PPP2R1B: variants seen among roughly 807,000 people sequenced by gnomAD.
PPP2R1B encodes serine/threonine-protein phosphatase 2A 65 kDa regulatory subunit A beta isoform.
A neutral mutation model predicts 72.7 loss-of-function variants in PPP2R1B; 58 were observed. The ratio of observed to expected loss-of-function variants is 0.80; its 90% CI spans 0.65 to 0.99. PPP2R1B has a LOEUF of 0.99. Among genes scored for constraint, PPP2R1B ranks in the 50% least tolerant of loss-of-function variants. PPP2R1B has a pLI of 0.00. For missense variants in PPP2R1B, 695 were observed against 733.6 expected (o/e 0.95, Z 0.61); for synonymous variants, 256 against 264.6 (o/e 0.97, Z 0.32).
chr11:111,721,219 G>A, the PPP2R1B span, among the ~76,000 whole-genome samples: 1 of 152,170 alleles, frequency 6.6e-6, no homozygotes, highest in Non-Finnish European at 1.5e-5. Context: ...GCTGCCACCT[G>A]CCACTGACGG....
intron 10 of PPP2R1B, among the ~76,000 whole-genome samples, chr11:111,748,663 G>A (rs1019015722): frequency 3.9e-5 from 6 of 152,130 alleles, no homozygotes; most frequent in African/African-American, 1.4e-4. Context: ...CTCTAACCCC[G>A]GGGCTTCCAC....
intron 10 of PPP2R1B, among the ~76,000 whole-genome samples, chr11:111,748,602 G>A (rs527724171): frequency 4.6e-5 from 7 of 152,318 alleles, no homozygotes; most frequent in Non-Finnish European, 1.0e-4. Context: ...TCAACAGGTG[G>A]CCACTTCAGT....
chr11:111,732,882 G>A (rs1944236513), downstream of PPP2R1B, among the ~76,000 whole-genome samples: 1 of 152,206 alleles, frequency 6.6e-6, no homozygotes. Context: ...AATGTCACCT[G>A]CACAGAACAT....
the PPP2R1B span, among the ~76,000 whole-genome samples, chr11:111,708,829 C>T: frequency 6.6e-6 from 1 of 152,102 alleles, no homozygotes; most frequent in Admixed American, 6.5e-5. Context: ...CTCAAGTAAT[C>T]CTCCTACCGT....
rs1467837785 is a variant in PPP2R1B, at chr11:111,740,596, T to C, written c.*1000A>G. On this transcript the variant is annotated 3_prime_UTR_variant, in exon 15 of 15. Transcript: ENST00000527614. ...AATTTCAGAATTAATGAGGTTTTACTGTAAAAGTAGAAAAGCAAACACTTC... is the reference window on the plus strand; with the variant it reads ...AATTTCAGAATTAATGAGGTTTTACCGTAAAAGTAGAAAAGCAAACACTTC... The C allele has an allele frequency of 5.1e-6, 5 of 985,102 alleles. No homozygotes were observed. Among genetic ancestry groups the C allele is most frequent in the Non-Finnish European group, 6.0e-6 (5 of 829,726 alleles). The allele number at this position is 985,102 out of a possible 1,614,324, so 61.0% of individuals were successfully genotyped here. A position where few individuals can be genotyped will look rare whatever the true frequency, so the allele number is the denominator to read the frequency against.
At chr11:111,763,465 G>GT (rs1257588660) in intron 3 of PPP2R1B, among the ~76,000 whole-genome samples, 9 of 152,340 alleles carry the variant, frequency 5.9e-5, no homozygotes, top group African/African-American at 1.9e-4. Context: ...GATGTGAACT[G>GT]TAAGAGTCGG....
downstream of PPP2R1B, chr11:111,724,031 T>C: frequency 6.2e-7 from 1 of 1,614,194 alleles, no homozygotes; most frequent in Non-Finnish European, 8.5e-7. Flanking sequence ...CCCCTCCAGC[T>C]ACGACCCACT....
the PPP2R1B span, among the ~76,000 whole-genome samples, chr11:111,688,706 T>A: frequency 1.3e-5 from 2 of 152,232 alleles, no homozygotes. This position sits in a 1 kb window ranked among gnomAD's most constrained non-coding sequence, Gnocchi z 4.2. Context: ...TTTTCACAGT[T>A]GTAAAATGTT....
At chr11:111,698,469 T>C in the PPP2R1B span, among the ~76,000 whole-genome samples, 2 of 152,066 alleles carry the variant, frequency 1.3e-5, no homozygotes, top group African/African-American at 4.8e-5. Context: ...ATGGGCCAGG[T>C]GGTGGCTCAC....
At chr11:111,699,658 C>G in the PPP2R1B span, among the ~76,000 whole-genome samples, 1 of 152,136 alleles carries the variant, frequency 6.6e-6, no homozygotes, top group Admixed American at 6.6e-5. Context: ...CTGCTTGCCT[C>G]TAGTTTTTAT....
the PPP2R1B span, among the ~76,000 whole-genome samples, chr11:111,694,677 C>T: frequency 6.6e-5 from 10 of 152,192 alleles, no homozygotes; most frequent in South Asian, 6.2e-4. Flanking sequence ...ACTAGCATTA[C>T]GTAAAAAGTA....
At chr11:111,723,107 C>T (rs1943854681), downstream of PPP2R1B, among the ~76,000 whole-genome samples, 1 of 152,186 alleles carries the variant, frequency 6.6e-6, no homozygotes, top group Non-Finnish European at 1.5e-5. Context: ...GTGCCCACAG[C>T]CTCGCTAGTA....
chr11:111,764,721 G>A, intron 3 of PPP2R1B, 84 bp downstream of exon 3: 1 of 1,323,042 alleles, frequency 7.6e-7, no homozygotes, highest in Admixed American at 2.0e-5. Flanking sequence ...CATAAAAAAT[G>A]CTGCAGTGTG....
chr11:111,730,428 A>G (rs1944148631), intron 15 of PPP2R1B: 1 of 152,194 alleles, frequency 6.6e-6, no homozygotes, highest in Non-Finnish European at 1.5e-5. Flanking sequence ...CACTTCGGGG[A>G]CTGCAGTTTG....
chr11:111,720,106 G>A, the PPP2R1B span: 2,661 of 1,120,592 alleles, frequency 2.4e-3, 15 homozygotes, highest in Non-Finnish European at 1.6e-3. Context: ...AAATTGAGTC[G>A]ATAGCTTATT....
At chr11:111,694,883 T>C in the PPP2R1B span, among the ~76,000 whole-genome samples, 111 of 152,340 alleles carry the variant, frequency 7.3e-4, 4 homozygotes, top group South Asian at 0.023. Flanking sequence ...CATTGAACTC[T>C]CTGACTGGAC....
At chr11:111,721,740 T>C in the PPP2R1B span, 1 of 926,704 alleles carries the variant, frequency 1.1e-6, no homozygotes. Flanking sequence ...TTGGTATTCC[T>C]ATTGGACATT....
chr11:111,764,615 T>C (rs1359145803), intron 3 of PPP2R1B, among the ~76,000 whole-genome samples, 190 bp downstream of exon 3: 1 of 151,800 alleles, frequency 6.6e-6, no homozygotes, highest in Non-Finnish European at 1.5e-5. Flanking sequence ...GTTCTCTTAT[T>C]TACAGAAAAA....
chr11:111,720,513 G>C, the PPP2R1B span: 1 of 1,611,222 alleles, frequency 6.2e-7, no homozygotes, highest in Middle Eastern at 1.7e-4. Flanking sequence ...CCCCTCCCTT[G>C]ACAGTGTGGA....
Sources: gnomAD v4.1 joint callset for allele counts (sites outside exome capture counted in the v4.1 genomes callset) on GRCh38, gnomAD v4.1.1 for gene constraint, Gnocchi (gnomAD v3.1) non-coding constraint, MANE v1.5 for transcripts, NCBI Gene and HGNC (gene_info 2026-07-23, HGNC 2026-07-21) for gene names.